Variants in PSTK observed in about 807,000 individuals in gnomAD.
PSTK encodes L-seryl-tRNA(Sec) kinase.
Under a neutral mutation model 38.6 loss-of-function variants are expected in PSTK, and 26 were observed. That is an observed-to-expected ratio of 0.67 (90% confidence interval 0.49 to 0.94). PSTK has a LOEUF of 0.94. Ranked by LOEUF, PSTK falls within the 40% of genes least tolerant of loss-of-function variation. The probability of loss-of-function intolerance (pLI) is 0.00; values close to 1 mark genes in which losing one functional copy is unlikely to be tolerated. For missense variants in PSTK, 445 were observed against 436.3 expected, an observed-to-expected ratio of 1.02 and a Z score of -0.18; for synonymous variants, 181 against 161.7, an observed-to-expected ratio of 1.12 and a Z score of -0.91.
At chr10:122,983,613 A>T in intron 3 of PSTK, 143 bp downstream of exon 3, 1 of 716,648 alleles carries the variant, frequency 1.4e-6, no homozygotes, top group South Asian at 2.0e-5. Flanking sequence ...TAAAAGTGAA[A>T]TGGGAAAATT....
In PSTK at chr10:122,980,440, G is replaced by A. The variant is rs1365145381; in HGVS notation, c.-40G>A. Reference sequence around the variant, plus strand: ...TGCGCGCAGGGCAGACGGTAGAGCGGAGACGACGCTCCCAGACTCCTCCGG... The same window carrying A: ...TGCGCGCAGGGCAGACGGTAGAGCGAAGACGACGCTCCCAGACTCCTCCGG... On this transcript the variant is annotated 5_prime_UTR_variant, in exon 1 of 6. Transcript: ENST00000406217. This position sits in a 1 kb window ranked among gnomAD's most constrained non-coding sequence, Gnocchi z 4.3. The A allele has an allele frequency of 1.3e-6, 2 of 1,536,260 alleles. No individual in the cohort carries two copies. The highest frequency in any genetic ancestry group is 2.4e-5 in the East Asian group (1 of 41,276).
rs905495019 is a variant in PSTK, at chr10:122,990,334, A to G, written c.1038A>G (p.Lys346=). Residue 346 remains lysine (K), a synonymous_variant, in exon 6 of 6, where the codon AAA becomes AAG. Transcript: ENST00000406217. ...PDVISFFHYE[K]DNIVQKYFSK... ...TCATTTCTTTTTTTCATTATGAGAA[A>G]GATAATATTGTACAGAAGTATTTTT... The G allele has an allele frequency of 6.6e-7, 1 of 1,508,588 alleles. No individual in the cohort carries two copies. Among genetic ancestry groups the G allele is most frequent in the African/African-American group, 1.4e-5 (1 of 70,558 alleles). The allele number at this position is 1,508,588 out of a possible 1,614,324, so 93.5% of individuals were successfully genotyped here. A position where few individuals can be genotyped will look rare whatever the true frequency, so the allele number is the denominator to read the frequency against.
intron 5 of PSTK, among the ~76,000 whole-genome samples, chr10:122,989,449 A>G (rs1849090289): frequency 6.6e-6 from 1 of 152,062 alleles, no homozygotes; most frequent in Non-Finnish European, 1.5e-5. Flanking sequence ...GAGGGGTTTC[A>G]CCATGTTGGC....
chr10:122,986,253 A>T, intron 3 of PSTK, 47 bp from the exon 4 acceptor site: 709 of 887,008 alleles, frequency 8.0e-4, no homozygotes, highest in Middle Eastern at 1.3e-3. Context: ...AAAAAGTCAG[A>T]TGTTGGATAT....
chr10:122,982,066 A>C (rs1348612811), intron 1 of PSTK: 1 of 152,230 alleles, frequency 6.6e-6, no homozygotes, highest in African/African-American at 2.4e-5. Flanking sequence ...CTTGACCAGC[A>C]CAAGATTACT....
Position 122,990,292 on chromosome 10 carries a change from C to T in PSTK, c.996C>T (p.Thr332=). The part of the protein sequence containing the change: ...GNKKYLCFQQ[T]IDIPDVISFF... ...AAAAATATCTGTGCTTTCAGCAAAC[C>T]ATTGACATACCAGATGTCATTTCTT... Residue 332 remains threonine (T), a synonymous_variant, in exon 6 of 6, where the codon ACC becomes ACT. Transcript: ENST00000406217. The T allele has an allele frequency of 6.5e-7, 1 of 1,533,470 alleles. No individual in the cohort carries two copies. The highest frequency in any genetic ancestry group is 8.8e-7 in the Non-Finnish European group (1 of 1,140,196). The allele number at this position is 1,533,470 out of a possible 1,614,324, so 95.0% of individuals were successfully genotyped here.
chr10:122,982,448 G>C, intron 1 of PSTK: 1 of 400,866 alleles, frequency 2.5e-6, no homozygotes, highest in Admixed American at 4.1e-5. Flanking sequence ...CACTGCTAGA[G>C]TGGAGATATA....
chr10:122,989,443 G>T (rs989861761), intron 5 of PSTK, among the ~76,000 whole-genome samples: 27 of 152,076 alleles, frequency 1.8e-4, no homozygotes, highest in South Asian at 1.7e-3. Flanking sequence ...GTAGAGGAGG[G>T]GTTTCACCAT....
chr10:122,990,298 C>A lies in PSTK; in HGVS notation c.1002C>A (p.Asp334Glu), dbSNP rs773154779. The A allele has an allele frequency of 3.9e-6, 6 of 1,532,406 alleles. No individual in the cohort carries two copies. The South Asian group carries it at 7.5e-5, about 19-fold the overall frequency. 94.9% of individuals were successfully genotyped at this position (1,532,406 alleles called of 1,614,324 possible). A position where few individuals can be genotyped will look rare whatever the true frequency, so the allele number is the denominator to read the frequency against. The change falls in exon 6 of 6, where the codon GAC becomes GAA. Residue 334 changes from aspartate (D) to glutamate (E), a missense_variant. Transcript: ENST00000406217. ...KKYLCFQQTI[D>E]IPDVISFFHY... is the part of the protein sequence containing the mutation. Reference sequence around the variant, plus strand: ...ATCTGTGCTTTCAGCAAACCATTGACATACCAGATGTCATTTCTTTTTTTC... The same window carrying A: ...ATCTGTGCTTTCAGCAAACCATTGAAATACCAGATGTCATTTCTTTTTTTC...
At position 122,980,759 on chromosome 10, in the gene PSTK, G is replaced by A; in HGVS notation, c.216+64G>A. The A allele has an allele frequency of 7.8e-7, 1 of 1,288,898 alleles. No individual in the cohort carries two copies. Among genetic ancestry groups the A allele is most frequent in the Non-Finnish European group, 9.8e-7 (1 of 1,021,930 alleles). The allele number at this position is 1,288,898 out of a possible 1,614,324, so 79.8% of individuals were successfully genotyped here. A position where few individuals can be genotyped will look rare whatever the true frequency, so the allele number is the denominator to read the frequency against. ...GCGGGGCGGGGCGGGGCGGGGCGGG[G>A]ACACTCGCGTCCACGCGGTCCTGGG... On this transcript the variant is annotated intron_variant, in intron 1 of 5. Transcript: ENST00000406217. This position sits in a 1 kb window ranked among gnomAD's most constrained non-coding sequence, Gnocchi z 4.3.
chr10:122,987,113 A>C (rs1268230508), intron 5 of PSTK, 151 bp downstream of exon 5: 1 of 895,356 alleles, frequency 1.1e-6, no homozygotes, highest in Non-Finnish European at 1.7e-6. Flanking sequence ...ATGTAACTAA[A>C]AATTCTACCT....
At position 122,983,044 on chromosome 10, in the gene PSTK, T is replaced by C. The variant is rs758378768; in HGVS notation, c.508+20T>C. 3.8e-6 allele frequency: 6 copies of C among 1,587,276 alleles called. No individual in the cohort carries two copies. Among genetic ancestry groups the C allele is most frequent in the Non-Finnish European group, 5.2e-6 (6 of 1,164,852 alleles). Reference sequence around the variant, plus strand: ...GGAAATGTAATTAAAACTTTTTTTTTCTTACACATGGAGATACTTATTCAC... The same window carrying C: ...GGAAATGTAATTAAAACTTTTTTTTCCTTACACATGGAGATACTTATTCAC... On this transcript the variant is annotated intron_variant, in intron 2 of 5. Transcript: ENST00000406217.
At chr10:122,982,446 G>T (rs1359673891) in intron 1 of PSTK, 1 of 394,416 alleles carries the variant, frequency 2.5e-6, no homozygotes, top group East Asian at 4.6e-5. Context: ...AGCACTGCTA[G>T]AGTGGAGATA....
In PSTK at chr10:122,989,652, A is replaced by G. The variant is rs1564732359; in HGVS notation, c.878-522A>G. Reference sequence around the variant, plus strand: ...TGTATCATACAGATTAAATGGGTAAACTGTATGTGAATTATGTCCTAATAA... The same window carrying G: ...TGTATCATACAGATTAAATGGGTAAGCTGTATGTGAATTATGTCCTAATAA... On this transcript the variant is annotated intron_variant, in intron 5 of 5. Coordinates refer to ENST00000406217, the MANE Select transcript of PSTK (RefSeq NM_001363531.2). 2.0e-5 allele frequency among the ~76,000 whole-genome samples: 3 copies of G among 152,218 alleles called. No individual in the cohort carries two copies. The South Asian group carries it at 6.2e-4, about 31-fold the overall frequency.
chr10:122,980,718 T>C lies in PSTK; in HGVS notation c.216+23T>C. 1 of 496,880 alleles carries C rather than the reference T, an allele frequency of 2.0e-6. No individual in the cohort carries two copies. Among genetic ancestry groups the C allele is most frequent in the Non-Finnish European group, 2.4e-6 (1 of 410,882 alleles). The allele number at this position is 496,880 out of a possible 1,614,324, so 30.8% of individuals were successfully genotyped here. A position where few individuals can be genotyped will look rare whatever the true frequency, so the allele number is the denominator to read the frequency against. On this transcript the variant is annotated intron_variant, in intron 1 of 5. Transcript: ENST00000406217. The surrounding 1 kb of genome is among the most constrained non-coding windows in gnomAD (Gnocchi z 4.3). The stretch of plus-strand genomic sequence containing the variant: ...GCGGTCAGCACGGAGGGGCGGGGCC[T>C]GGGCCGCGGGGCGGGGCGGGGCGGG...
rs201448728 is a variant in PSTK, at chr10:122,983,480, T to A, written c.707+10T>A. 55 of 1,611,206 alleles carry A rather than the reference T, an allele frequency of 3.4e-5. No individual in the cohort carries two copies. In the East Asian group the frequency reaches 1.1e-3, roughly 32 times the overall value. ...GTGCTTCGGAGGCCAGGTATTCCAC[T>A]CAATCATCCCTCCCTGGATGCTCCC... On this transcript the variant is annotated intron_variant, in intron 3 of 5. Transcript: ENST00000406217.
At chr10:122,982,470 G>C (rs1193895288) in intron 1 of PSTK, 4 of 473,808 alleles carry the variant, frequency 8.4e-6, no homozygotes, top group Non-Finnish European at 1.5e-5. Context: ...GTATAGAATG[G>C]GGTTTCATGA....
At position 122,990,325 on chromosome 10, in the gene PSTK, T is replaced by C; in HGVS notation, c.1029T>C (p.His343=). 1 of 1,516,224 alleles carries C rather than the reference T, an allele frequency of 6.6e-7. No individual in the cohort carries two copies. Among genetic ancestry groups the C allele is most frequent in the South Asian group, 1.3e-5 (1 of 77,446 alleles). 93.9% of individuals were successfully genotyped at this position (1,516,224 alleles called of 1,614,324 possible). A position where few individuals can be genotyped will look rare whatever the true frequency, so the allele number is the denominator to read the frequency against. ...TACCAGATGTCATTTCTTTTTTTCA[T>C]TATGAGAAAGATAATATTGTACAGA... ...IDIPDVISFF[H]YEKDNIVQKY... is the part of the protein sequence containing the mutation. Residue 343 remains histidine, a synonymous_variant, in exon 6 of 6, where the codon CAT becomes CAC. Coordinates refer to ENST00000406217, the MANE Select transcript of PSTK (RefSeq NM_001363531.2).
At chr10:122,987,530 G>A (rs1564731735) in intron 5 of PSTK, 1 of 1,610,036 alleles carries the variant, frequency 6.2e-7, no homozygotes, top group Non-Finnish European at 8.5e-7. Context: ...AGGTAGTCAG[G>A]GGCCAGGTGT....
Sources: allele counts gnomAD v4.1 joint callset (sites outside exome capture counted in the v4.1 genomes callset), GRCh38; gene constraint gnomAD v4.1.1; non-coding constraint Gnocchi (gnomAD v3.1); transcripts MANE v1.5; gene names NCBI Gene and HGNC (gene_info 2026-07-23, HGNC 2026-07-21).